The following BTNL8 variants were observed in gnomAD, a reference collection of about 807,000 sequenced individuals.
The protein encoded by BTNL8 is butyrophilin-like protein 8.
In BTNL8, 22 loss-of-function variants were observed where a neutral mutation model predicts 36.1. The observed-to-expected ratio is 0.61, with a 90% CI of 0.44 to 0.87. The LOEUF (loss-of-function observed/expected upper bound fraction) is 0.87. BTNL8 is among the 40% of genes least tolerant of loss of function. The pLI is 0.00. For missense variants in BTNL8, 526 were observed against 616.9 expected (o/e 0.85, Z 1.56); for synonymous variants, 203 against 235.6 (o/e 0.86, Z 1.27).
At position 180,908,579 on chromosome 5, in the gene BTNL8, C is replaced by A; in HGVS notation, c.50-7C>A. 6.2e-7 allele frequency: 1 copy of A among 1,612,294 alleles called. No individual in the cohort carries two copies. The highest frequency in any genetic ancestry group is 8.5e-7 in the Non-Finnish European group (1 of 1,178,814). ...TGATGATTTATCTTTTGTATGTCTTCCCACAGGGCAGTGGCAGGTGTTTGG... is the reference window on the plus strand; with the variant it reads ...TGATGATTTATCTTTTGTATGTCTTACCACAGGGCAGTGGCAGGTGTTTGG... On this transcript the variant is annotated splice_polypyrimidine_tract_variant and splice_region_variant and intron_variant, in intron 1 of 7. Coordinates refer to ENST00000340184, the MANE Select transcript of BTNL8 (RefSeq NM_001040462.3).
At chr5:180,909,475 G>A in intron 2 of BTNL8, 1 of 914,892 alleles carries the variant, frequency 1.1e-6, no homozygotes, top group Non-Finnish European at 1.3e-6. Context: ...ATCTGATACA[G>A]CAGGGAGCAA....
At chr5:180,915,203 C>A (rs991068741) in intron 3 of BTNL8, among the ~76,000 whole-genome samples, 1 of 152,190 alleles carries the variant, frequency 6.6e-6, no homozygotes, top group Non-Finnish European at 1.5e-5. Flanking sequence ...ACTACCCAAC[C>A]AGCTGATATG....
chr5:180,937,334 T>C (rs1758704340), intron 3 of BTNL8, among the ~76,000 whole-genome samples: 1 of 152,188 alleles, frequency 6.6e-6, no homozygotes, highest in South Asian at 2.1e-4. Flanking sequence ...TGCAAAGCTG[T>C]GCCATTGCCT....
intron 3 of BTNL8, among the ~76,000 whole-genome samples, chr5:180,933,984 AAAAAG>A (rs1282720306): frequency 6.6e-6 from 1 of 152,034 alleles, no homozygotes; most frequent in Admixed American, 6.6e-5. Flanking sequence ...ACACTGAAAA[AAAAAG>A]AAAACTACAG....
At chr5:180,902,907 C>G (rs1357781266) in intron 1 of BTNL8, among the ~76,000 whole-genome samples, 1 of 123,482 alleles carries the variant, frequency 8.1e-6, no homozygotes, top group Non-Finnish European at 1.6e-5. Flanking sequence ...GTCACATTTT[C>G]TTAATCTAGT....
intron 1 of BTNL8, among the ~76,000 whole-genome samples, chr5:180,905,991 A>T (rs1757063947): frequency 7.2e-6 from 1 of 139,636 alleles, no homozygotes; most frequent in South Asian, 2.1e-4. Context: ...AAAAAAATGT[A>T]TATTCTGTTG....
intron 3 of BTNL8, among the ~76,000 whole-genome samples, chr5:180,942,316 C>A (rs1378928201): frequency 6.6e-6 from 1 of 151,878 alleles, no homozygotes; most frequent in African/African-American, 2.4e-5. Flanking sequence ...GAAAAGATAC[C>A]CCATGTTCCT....
intron 3 of BTNL8, among the ~76,000 whole-genome samples, chr5:180,925,158 A>T (rs1487127767): frequency 6.6e-6 from 1 of 152,206 alleles, no homozygotes; most frequent in Non-Finnish European, 1.5e-5. Context: ...ATTATTGGAC[A>T]CCATTAAGTG....
chr5:180,942,129 T>C (rs141266468), intron 3 of BTNL8, among the ~76,000 whole-genome samples: 1,803 of 152,192 alleles, frequency 0.012, 44 homozygotes, highest in African/African-American at 0.041. Flanking sequence ...ATAAATTCAG[T>C]AGTGTTTCTA....
rs1245849761 is a variant in BTNL8, at chr5:180,938,968, A to G, written c.674-8544A>G. 3.3e-5 allele frequency among the ~76,000 whole-genome samples: 5 copies of G among 152,200 alleles called. No individual in the cohort carries two copies. In the East Asian group the frequency reaches 5.8e-4, roughly 18 times the overall value. ...TACAAGAAATGCTCAAGGGAGTCCT[A>G]TGTCTGGAAGGGAAAGGATGATAAC... is the stretch of plus-strand genomic sequence containing the variant. On this transcript the variant is annotated intron_variant, in intron 3 of 7. Transcript: ENST00000340184.
At chr5:180,939,269 GAATA>G (rs1758809209) in intron 3 of BTNL8, among the ~76,000 whole-genome samples, 1 of 151,760 alleles carries the variant, frequency 6.6e-6, no homozygotes, top group Non-Finnish European at 1.5e-5. Context: ...ATGAATGAAT[GAATA>G]AATGAAAAAA....
In BTNL8 at chr5:180,950,294, TCTC is replaced by T. The variant is rs1450285025; in HGVS notation, c.1256_1258del (p.Ser419del). 1 of 1,463,472 alleles carries T rather than the reference TCTC, an allele frequency of 6.8e-7. No homozygotes were observed. The highest frequency in any genetic ancestry group is 1.4e-5 in the African/African-American group (1 of 72,434). The allele number at this position is 1,463,472 out of a possible 1,614,324, so 90.7% of individuals were successfully genotyped here. A position where few individuals can be genotyped will look rare whatever the true frequency, so the allele number is the denominator to read the frequency against. ...TTCCTGGACTATGAGTGTGGGACCA[TCTC>T]CTTCTTCAACATAAATGACCAGTCC... On this transcript the variant is annotated inframe_deletion, in exon 8 of 8. Coordinates refer to ENST00000340184, the MANE Select transcript of BTNL8 (RefSeq NM_001040462.3).
chr5:180,938,871 C>T (rs552608143), intron 3 of BTNL8, among the ~76,000 whole-genome samples: 84 of 151,888 alleles, frequency 5.5e-4, no homozygotes, highest in South Asian at 1.2e-3. Context: ...AGATATTCTT[C>T]GGAAATAAAG....
chr5:180,920,332 T>C (rs1463482631), intron 3 of BTNL8, among the ~76,000 whole-genome samples: 2 of 152,080 alleles, frequency 1.3e-5, no homozygotes, highest in South Asian at 2.1e-4. Context: ...TTACCAAGAA[T>C]ACAAAATGGA....
chr5:180,923,762 C>T (rs1429092587), intron 3 of BTNL8, among the ~76,000 whole-genome samples: 1 of 152,068 alleles, frequency 6.6e-6, no homozygotes, highest in Admixed American at 6.6e-5. Context: ...CTGGATTAAT[C>T]TACAGACAAA....
chr5:180,941,718 A>G (rs1758965452), intron 3 of BTNL8, among the ~76,000 whole-genome samples: 1 of 152,186 alleles, frequency 6.6e-6, no homozygotes, highest in Admixed American at 6.5e-5. Context: ...CTCAATAGAC[A>G]TTAAAAAATA....
intron 3 of BTNL8, among the ~76,000 whole-genome samples, chr5:180,923,322 G>A (rs1242028762): frequency 2.0e-5 from 3 of 152,064 alleles, no homozygotes; most frequent in Non-Finnish European, 4.4e-5. Context: ...AGGAATAAAA[G>A]GTTAGGTCAA....
At chr5:180,929,201 TC>T (rs1238289897) in intron 3 of BTNL8, among the ~76,000 whole-genome samples, 1 of 152,164 alleles carries the variant, frequency 6.6e-6, no homozygotes, top group Non-Finnish European at 1.5e-5. Flanking sequence ...AACAACCTAT[TC>T]CTGAATGACT....
intron 3 of BTNL8, 47 bp from the exon 4 acceptor site, chr5:180,947,465 G>A: frequency 6.2e-7 from 1 of 1,600,356 alleles, no homozygotes; most frequent in Non-Finnish European, 8.6e-7. Context: ...ATTGAATTGT[G>A]TCTTTTGTTC....
Sources: gnomAD v4.1 joint callset for allele counts (sites outside exome capture counted in the v4.1 genomes callset) on GRCh38, gnomAD v4.1.1 for gene constraint, MANE v1.5 for transcripts, NCBI Gene and HGNC (gene_info 2026-07-23, HGNC 2026-07-21) for gene names.